Variants in PPWD1 observed in about 807,000 individuals in gnomAD.
PPWD1 encodes peptidylprolyl isomerase domain and WD repeat containing 1.
PPWD1 carries 43 observed loss-of-function variants against 68.8 expected under a neutral mutation model. The observed-to-expected ratio is 0.62, with a 90% CI of 0.49 to 0.81. PPWD1 has a LOEUF of 0.81. PPWD1 is among the 30% of genes least tolerant of loss of function. The pLI, the probability that PPWD1 is intolerant of heterozygous loss-of-function variation, is 0.00. For synonymous variants in PPWD1, 232 were observed against 258.7 expected (o/e 0.90, Z 0.99); for missense variants, 672 against 804.8 (o/e 0.83, Z 2.00).
chr5:65,583,411 A>G (rs934714103), intron 8 of PPWD1, 192 bp downstream of exon 8: 8 of 496,484 alleles, frequency 1.6e-5, no homozygotes, highest in Non-Finnish European at 2.6e-5. Flanking sequence ...TTATGCATAT[A>G]TACTTTATAG....
chr5:65,585,959 G>T (rs567243284), intron 9 of PPWD1, 40 bp from the exon 10 acceptor site: 2 of 1,597,028 alleles, frequency 1.3e-6, no homozygotes, highest in Admixed American at 3.4e-5. Flanking sequence ...TACATATATC[G>T]AAAAGGACAA....
chr5:65,586,281 T>G, intron 10 of PPWD1, 100 bp downstream of exon 10: 2 of 1,134,692 alleles, frequency 1.8e-6, no homozygotes, highest in Non-Finnish European at 2.4e-6. Flanking sequence ...TTTTCTGCAT[T>G]ATTTATATCA....
At chr5:65,566,010 A>C (rs1752737768) in intron 1 of PPWD1, among the ~76,000 whole-genome samples, 1 of 152,192 alleles carries the variant, frequency 6.6e-6, no homozygotes. Context: ...TTTCAGAAAG[A>C]CATGATTATA....
chr5:65,572,612 C>G (rs1753066633), intron 5 of PPWD1, among the ~76,000 whole-genome samples: 1 of 152,152 alleles, frequency 6.6e-6, no homozygotes, highest in Non-Finnish European at 1.5e-5. Flanking sequence ...TTTATTCACT[C>G]CTGTCCCTAT....
rs111987815 is a variant in PPWD1 at position 65,569,740 on chromosome 5, T to C, written c.400+8T>C. On this transcript the variant is annotated splice_region_variant and intron_variant, in intron 3 of 10. Coordinates refer to ENST00000261308, the MANE Select transcript of PPWD1 (RefSeq NM_015342.4). ...ATTTTCGTAGTCACCTGGGTAAGAATTGCACCTCATTTTCTTGTAGCTCTT... is the reference window on the plus strand; with the variant it reads ...ATTTTCGTAGTCACCTGGGTAAGAACTGCACCTCATTTTCTTGTAGCTCTT... 1 of 1,604,320 alleles carries C rather than the reference T, an allele frequency of 6.2e-7. No homozygotes were observed. The highest frequency in any genetic ancestry group is 2.2e-5 in the East Asian group (1 of 44,546).
intron 1 of PPWD1, among the ~76,000 whole-genome samples, chr5:65,564,766 G>A (rs985131015): frequency 4.6e-5 from 7 of 152,054 alleles, no homozygotes; most frequent in African/African-American, 1.7e-4. Flanking sequence ...AATCACTCGA[G>A]AATCGGTCTT....
At chr5:65,576,479 C>T (rs1002864862) in intron 5 of PPWD1, 1 of 378,668 alleles carries the variant, frequency 2.6e-6, no homozygotes, top group Non-Finnish European at 3.6e-6. Flanking sequence ...TAGGTTCAAG[C>T]GATTCTCTTG....
chr5:65,577,265 T>G (rs1397076023), intron 6 of PPWD1, among the ~76,000 whole-genome samples, 196 bp downstream of exon 6: 1 of 152,246 alleles, frequency 6.6e-6, no homozygotes, highest in Non-Finnish European at 1.5e-5. Context: ...AAGTTTCCAC[T>G]CATGTTTGTA....
At chr5:65,568,667 G>A (rs1752878001) in intron 2 of PPWD1, among the ~76,000 whole-genome samples, 1 of 152,086 alleles carries the variant, frequency 6.6e-6, no homozygotes, top group South Asian at 2.1e-4. Flanking sequence ...CTAGCAGTGA[G>A]TATGGGAAGT....
At chr5:65,584,442 A>C (rs1166820133) in intron 8 of PPWD1, among the ~76,000 whole-genome samples, 2 of 152,220 alleles carry the variant, frequency 1.3e-5, no homozygotes, top group Non-Finnish European at 1.5e-5. Context: ...TCTATGATTA[A>C]GGTTTTGGCC....
At chr5:65,564,810 A>G (rs1752640926) in intron 1 of PPWD1, among the ~76,000 whole-genome samples, 1 of 152,064 alleles carries the variant, frequency 6.6e-6, no homozygotes, top group East Asian at 1.9e-4. Flanking sequence ...CTACCCAGAT[A>G]TGGTGTTTCT....
intron 4 of PPWD1, 150 bp from the exon 5 acceptor site, chr5:65,571,689 C>G: frequency 7.7e-7 from 1 of 1,303,900 alleles, no homozygotes; most frequent in Admixed American, 2.8e-5. Flanking sequence ...CTTAGCTGTT[C>G]CTCCCCATTC....
chr5:65,567,577 C>T lies in PPWD1; in HGVS notation c.261C>T (p.Tyr87=). The change falls in exon 2 of 11, where the codon TAC becomes TAT. Residue 87 remains tyrosine (Y), a synonymous_variant. Transcript: ENST00000261308. ...GTGCATCCATGTATGAGCGCAGTTACATGCATAGAGATGTTATCACCCATG... is the reference window on the plus strand; with the variant it reads ...GTGCATCCATGTATGAGCGCAGTTATATGCATAGAGATGTTATCACCCATG... ...LPSASMYERS[Y]MHRDVITHVV... The T allele has an allele frequency of 6.2e-7, 1 of 1,610,938 alleles. No homozygotes were observed. The highest frequency in any genetic ancestry group is 1.1e-5 in the South Asian group (1 of 90,834).
chr5:65,567,569 C>T lies in PPWD1; in HGVS notation c.253C>T (p.Arg85Cys), dbSNP rs550297856. Reference protein sequence around the residue: ...DNLPSASMYERSYMHRDVITH... With the variant: ...DNLPSASMYECSYMHRDVITH... Reference sequence around the variant, plus strand: ...TCTCCCCAGTGCATCCATGTATGAGCGCAGTTACATGCATAGAGATGTTAT... The same window carrying T: ...TCTCCCCAGTGCATCCATGTATGAGTGCAGTTACATGCATAGAGATGTTAT... Residue 85 changes from arginine to cysteine, a missense_variant, in exon 2 of 11, where the codon CGC (arginine) becomes TGC (cysteine). By Grantham distance (180) the Arg-to-Cys change is radical. Coordinates refer to ENST00000261308, the MANE Select transcript of PPWD1 (RefSeq NM_015342.4). 16 of 1,611,352 alleles carry T rather than the reference C, an allele frequency of 9.9e-6. No homozygotes were observed. Among genetic ancestry groups the T allele is most frequent in the Admixed American group, 3.3e-5 (2 of 59,888 alleles).
At chr5:65,570,843 A>G (rs1478420550) in intron 4 of PPWD1, among the ~76,000 whole-genome samples, 1 of 152,066 alleles carries the variant, frequency 6.6e-6, no homozygotes, top group Non-Finnish European at 1.5e-5. Context: ...GAGCTCATTA[A>G]CCTTAATTAC....
intron 7 of PPWD1, 32 bp from the exon 8 acceptor site, chr5:65,583,006 T>A (rs1288002263): frequency 1.4e-6 from 2 of 1,478,972 alleles, no homozygotes; most frequent in Non-Finnish European, 1.8e-6. Context: ...AAACTTTAAT[T>A]CGTTGACTCA....
chr5:65,578,880 C>T (rs1002276530), intron 6 of PPWD1, among the ~76,000 whole-genome samples: 5 of 151,168 alleles, frequency 3.3e-5, no homozygotes, highest in Non-Finnish European at 1.5e-5. Flanking sequence ...GAGCCGTTCT[C>T]CTAGTCTGTG....
chr5:65,569,601 G>C (rs377239494), intron 2 of PPWD1, 31 bp from the exon 3 acceptor site: 57 of 1,540,348 alleles, frequency 3.7e-5, no homozygotes, highest in Non-Finnish European at 9.8e-6. Flanking sequence ...ATCTGTCTTA[G>C]AAATTAACTT....
At chr5:65,567,735 G>A in intron 2 of PPWD1, 120 bp downstream of exon 2, 3 of 1,362,568 alleles carry the variant, frequency 2.2e-6, no homozygotes, top group Non-Finnish European at 1.9e-6. Context: ...AATTTCTTAA[G>A]TTCTGAAATA....
Sources: allele counts gnomAD v4.1 joint callset (sites outside exome capture counted in the v4.1 genomes callset), GRCh38; gene constraint gnomAD v4.1.1; transcripts MANE v1.5; gene names NCBI Gene and HGNC (gene_info 2026-07-23, HGNC 2026-07-21).